SELENON: variants seen among roughly 807,000 people sequenced by gnomAD.
SELENON encodes selenoprotein N, also known as selenoprotein N, 1.
A neutral mutation model predicts 59.5 loss-of-function variants in SELENON; 44 were observed. The ratio of observed to expected loss-of-function variants is 0.74; its 90% confidence interval spans 0.58 to 0.95. The LOEUF (loss-of-function observed/expected upper bound fraction) is 0.95. SELENON is among the 40% of genes least tolerant of loss of function. The probability of loss-of-function intolerance (pLI) is 0.00; values close to 1 mark genes in which losing one functional copy is unlikely to be tolerated. For missense variants in SELENON, 674 were observed against 721.4 expected, an observed-to-expected ratio of 0.93 and a Z score of 0.75; for synonymous variants, 320 against 305.6, an observed-to-expected ratio of 1.05 and a Z score of -0.49.
chr1:25,800,206 C>CCGG lies in SELENON; in HGVS notation c.-23_-21dup. ...CCCCGCTCTTTCGCTTCCCGGGCCGCCGGCAGCCGCCGCCAGCCGCAGCCA... is the reference window on the plus strand; with the variant it reads ...CCCCGCTCTTTCGCTTCCCGGGCCGCCGGCGGCAGCCGCCGCCAGCCGCAGCCA... On this transcript the variant is annotated 5_prime_UTR_variant, in exon 1 of 13. Transcript: ENST00000361547. 3.7e-6 allele frequency: 2 copies of CCGG among 547,172 alleles called. No homozygotes were observed. The highest frequency in any genetic ancestry group is 4.6e-6 in the Non-Finnish European group (2 of 432,136). The allele number at this position is 547,172 out of a possible 1,614,324, so 33.9% of individuals were successfully genotyped here. A position where few individuals can be genotyped will look rare whatever the true frequency, so the allele number is the denominator to read the frequency against.
At chr1:25,806,528 G>C (rs2047908676) in intron 4 of SELENON, among the ~76,000 whole-genome samples, 1 of 152,148 alleles carries the variant, frequency 6.6e-6, no homozygotes. Context: ...GGAGTTGGAT[G>C]ACTCAGGCTT....
rs1371819825 is a variant in SELENON at position 25,811,825 on chromosome 1, G to A, written c.1227G>A (p.Leu409=). The A allele has an allele frequency of 2.5e-5, 39 of 1,584,234 alleles. No homozygotes were observed. Among genetic ancestry groups the A allele is most frequent in the Non-Finnish European group, 3.3e-5 (38 of 1,165,352 alleles). Reference sequence around the variant, plus strand: ...AGGAGATCAAGTGGCAGCAGGAGCTGAGCTGGGAGGAGGCTGCCCGGCGCC... The same window carrying A: ...AGGAGATCAAGTGGCAGCAGGAGCTAAGCTGGGAGGAGGCTGCCCGGCGCC... The change falls in exon 9 of 13, where the codon CTG becomes CTA. Residue 409 remains leucine (L), a synonymous_variant. Coordinates refer to ENST00000361547, the MANE Select transcript of SELENON (RefSeq NM_020451.3).
intron 9 of SELENON, 82 bp from the exon 9 acceptor site, chr1:25,812,605 A>ACACACACACT: frequency 1.1e-6 from 1 of 879,644 alleles, no homozygotes; most frequent in East Asian, 2.6e-5. Flanking sequence ...ACACACACAC[A>ACACACACACT]CTTGCACACA....
At chr1:25,800,688 G>C (rs1159732492) in intron 1 of SELENON, among the ~76,000 whole-genome samples, 4 of 152,140 alleles carry the variant, frequency 2.6e-5, no homozygotes, top group African/African-American at 9.6e-5. Context: ...CAGTGAAGCT[G>C]GTTCCCGCAG....
Position 25,814,243 on chromosome 1 carries a change from G to T in SELENON, c.1602+65G>T. 4 of 1,239,458 alleles carry T rather than the reference G, an allele frequency of 3.2e-6. No individual in the cohort carries two copies. The South Asian group carries it at 3.7e-5, about 12-fold the overall frequency. 76.8% of individuals were successfully genotyped at this position (1,239,458 alleles called of 1,614,324 possible). ...TCGGGGCCCCGGGAGCAACCAGCAG[G>T]AGGCGTGGATGTGCAGACTTCATCA... is the stretch of plus-strand genomic sequence containing the variant. On this transcript the variant is annotated intron_variant, in intron 12 of 12. Transcript: ENST00000361547.
At chr1:25,808,843 C>G in intron 5 of SELENON, 54 bp downstream of exon 4, 1 of 1,600,860 alleles carries the variant, frequency 6.2e-7, no homozygotes, top group Non-Finnish European at 8.6e-7. Flanking sequence ...CCAGGAGTGG[C>G]CACCCCTCTG....
At position 25,809,127 on chromosome 1, in the gene SELENON, CTT is replaced by C; in HGVS notation, c.850_851del (p.Phe284LeufsTer?). 5 of 1,613,808 alleles carry C rather than the reference CTT, an allele frequency of 3.1e-6. No individual in the cohort carries two copies. Among genetic ancestry groups the C allele is most frequent in the Non-Finnish European group, 4.2e-6 (5 of 1,180,034 alleles). On this transcript the variant is annotated frameshift_variant, in exon 6 of 13. Coordinates refer to ENST00000361547, the MANE Select transcript of SELENON (RefSeq NM_020451.3). LOFTEE classifies it high-confidence loss of function. The stretch of plus-strand genomic sequence containing the variant: ...TGGCCTGCCTGACTGCCATCAGCGA[CTT>C]CTACTACACTGTGATGTTCCGGTGA...
chr1:25,801,610 A>C (rs1336021577), intron 2 of SELENON, among the ~76,000 whole-genome samples: 1 of 152,172 alleles, frequency 6.6e-6, no homozygotes, highest in African/African-American at 2.4e-5. Context: ...CAGTGAGTTG[A>C]CATCACACCA....
intron 7 of SELENON, among the ~76,000 whole-genome samples, chr1:25,810,519 C>CT (rs1015293499): frequency 2.0e-5 from 3 of 152,234 alleles, no homozygotes; most frequent in African/African-American, 7.2e-5. Flanking sequence ...GCCAGGAGGT[C>CT]TGCAGTTAAG....
intron 4 of SELENON, 127 bp downstream of exon 3, chr1:25,805,402 C>T (rs886876649): frequency 2.0e-5 from 26 of 1,301,574 alleles, no homozygotes; most frequent in East Asian, 4.7e-5. Flanking sequence ...GGTCCATGTG[C>T]GGTGATGTTG....
In SELENON at chr1:25,812,753, A is replaced by G. The variant is rs1472493197; in HGVS notation, c.1348A>G (p.Ile450Val). The change falls in exon 10 of 13, where the codon ATC (isoleucine) becomes GTC (valine). Residue 450 changes from isoleucine to valine, a missense_variant. Transcript: ENST00000361547. ...GGCTGAGAACAAGCTGGTGCACTCA[A>G]TCCTGCTGTGGGGGGCCCTGGATGA... is the stretch of plus-strand genomic sequence containing the variant. 8.1e-6 allele frequency: 13 copies of G among 1,613,354 alleles called. No individual in the cohort carries two copies. Among genetic ancestry groups the G allele is most frequent in the East Asian group, 4.5e-5 (2 of 44,864 alleles).
chr1:25,805,243 A>G lies in SELENON; in HGVS notation c.505A>G (p.Thr169Ala). 6.2e-7 allele frequency: 1 copy of G among 1,614,152 alleles called. No individual in the cohort carries two copies. The highest frequency in any genetic ancestry group is 1.1e-5 in the South Asian group (1 of 91,076). The stretch of plus-strand genomic sequence containing the variant: ...CCGATTCCAGCCTCTGCTCCCGGAG[A>G]CCATGACCAAGAGCAAAGATGGCTT... Residue 169 changes from threonine (T) to alanine (A), a missense_variant, in exon 4 of 13, where the codon ACC becomes GCC. Physicochemically the swap from Thr to Ala is moderately conservative, Grantham distance 58 (BLOSUM62 0). Coordinates refer to ENST00000361547, the MANE Select transcript of SELENON (RefSeq NM_020451.3).
intron 2 of SELENON, 129 bp downstream of exon 2, chr1:25,801,289 T>A: frequency 1.3e-6 from 1 of 756,708 alleles, no homozygotes; most frequent in Non-Finnish European, 2.4e-6. Context: ...CTCCCAGCTC[T>A]GACACTTTGT....
At chr1:25,806,434 G>A (rs764274922) in intron 4 of SELENON, among the ~76,000 whole-genome samples, 15 of 152,192 alleles carry the variant, frequency 9.9e-5, no homozygotes, top group Non-Finnish European at 2.1e-4. Context: ...GAGGGGAGAC[G>A]GAGGAGATGG....
At chr1:25,810,650 C>T (rs1572234230) in intron 7 of SELENON, among the ~76,000 whole-genome samples, 1 of 152,160 alleles carries the variant, frequency 6.6e-6, no homozygotes, top group Non-Finnish European at 1.5e-5. Flanking sequence ...ACAGGGCAGG[C>T]GTGAGAGGAT....
intron 3 of SELENON, among the ~76,000 whole-genome samples, chr1:25,804,053 G>C (rs1360741974): frequency 1.3e-5 from 2 of 152,124 alleles, no homozygotes; most frequent in African/African-American, 4.8e-5. Flanking sequence ...AATAAGCAAG[G>C]CTTACTAATA....
chr1:25,810,137 G>T (rs1284783805), intron 7 of SELENON, among the ~76,000 whole-genome samples: 2 of 152,152 alleles, frequency 1.3e-5, no homozygotes, highest in Non-Finnish European at 1.5e-5. Context: ...AGCTGTAACC[G>T]CAGCCTGTGC....
Position 25,808,604 on chromosome 1 carries a change from C to G in SELENON, c.562C>G (p.Leu188Val). The change falls in exon 5 of 13, where the codon CTC becomes GTC. Residue 188 changes from leucine (L) to valine (V), a missense_variant. By Grantham distance (32) the Leu-to-Val change is conservative. Coordinates refer to ENST00000361547, the MANE Select transcript of SELENON (RefSeq NM_020451.3). ...GGTCTCCCGCCTCGCCCTGTCCGGC[C>G]TCCGAAACTGGACAGCCGCCGCCTC... 1 of 1,613,754 alleles carries G rather than the reference C, an allele frequency of 6.2e-7. No individual in the cohort carries two copies. Among genetic ancestry groups the G allele is most frequent in the Non-Finnish European group, 8.5e-7 (1 of 1,179,930 alleles).
intron 6 of SELENON, 143 bp from the exon 6 acceptor site, chr1:25,809,540 T>C (rs1306855697): frequency 5.9e-6 from 7 of 1,193,646 alleles, no homozygotes. Flanking sequence ...GAGCAGCATT[T>C]GGAGAGCCTC....
Sources: gnomAD v4.1 joint callset for allele counts (sites outside exome capture counted in the v4.1 genomes callset) on GRCh38, gnomAD v4.1.1 for gene constraint, MANE v1.5 for transcripts, NCBI Gene and HGNC (gene_info 2026-07-23, HGNC 2026-07-21) for gene names.